RLN2: variants seen among roughly 807,000 people sequenced by gnomAD.
RLN2 encodes the protein relaxin 2.
Under a neutral mutation model 7.3 loss-of-function variants are expected in RLN2, and 10 were observed. The ratio of observed to expected loss-of-function variants is 1.36; its 90% CI spans 0.84 to 2.31. The LOEUF (loss-of-function observed/expected upper bound fraction) is 2.31, where lower values mean the gene tolerates loss of function less well. Ranked by LOEUF, RLN2 falls within the 30% of genes most tolerant of loss-of-function variation. RLN2 has a pLI of 0.00. For missense variants in RLN2, 298 were observed against 217.6 expected (o/e 1.37, Z -2.32); for synonymous variants, 103 against 82.3 (o/e 1.25, Z -1.36).
chr9:5,309,947 T>C, the RLN2 span, among the ~76,000 whole-genome samples: 1 of 151,868 alleles, frequency 6.6e-6, no homozygotes, highest in Non-Finnish European at 1.5e-5. Flanking sequence ...GCAGAGCCCC[T>C]GTAATTAAAG....
the RLN2 span, among the ~76,000 whole-genome samples, chr9:5,319,312 G>C: frequency 2.6e-5 from 4 of 151,944 alleles, no homozygotes; most frequent in Non-Finnish European, 5.9e-5. Context: ...AGGCAGAGGA[G>C]GCAGACATAT....
At chr9:5,335,349 C>A in the RLN2 span, 1 of 1,613,358 alleles carries the variant, frequency 6.2e-7, no homozygotes. Context: ...GAATGAGTAT[C>A]CAAGCCTAAG....
rs1586931732 is a variant in RLN2 at position 5,304,690 on chromosome 9, T to A, written c.-110A>T. 2 of 1,120,308 alleles carry A rather than the reference T, an allele frequency of 1.8e-6. No individual in the cohort carries two copies. The highest frequency in any genetic ancestry group is 4.8e-5 in the East Asian group (2 of 42,100). 69.4% of individuals were successfully genotyped at this position (1,120,308 alleles called of 1,614,324 possible). On this transcript the variant is annotated 5_prime_UTR_variant, in exon 1 of 2. Transcript: ENST00000381627. ...GCCTGTCCCGGGCTTTAGGCTGCTTTCCCTACCCGGCTCAAGCGGTCTTTT... is the reference window on the plus strand; with the variant it reads ...GCCTGTCCCGGGCTTTAGGCTGCTTACCCTACCCGGCTCAAGCGGTCTTTT...
At chr9:5,326,608 G>T in the RLN2 span, among the ~76,000 whole-genome samples, 1 of 152,040 alleles carries the variant, frequency 6.6e-6, no homozygotes, top group South Asian at 2.1e-4. Flanking sequence ...GTGGGGACAA[G>T]GGGGGAGGGC....
the RLN2 span, among the ~76,000 whole-genome samples, chr9:5,332,423 A>T: frequency 1.3e-5 from 2 of 151,986 alleles, no homozygotes; most frequent in African/African-American, 4.8e-5. Context: ...AAAAAATAGT[A>T]TTGTCCCCTG....
the RLN2 span, chr9:5,335,190 A>G: frequency 1.1e-6 from 1 of 951,774 alleles, no homozygotes; most frequent in Non-Finnish European, 1.6e-6. Context: ...CAGAAGCATC[A>G]GTGAAATGTC....
At position 5,304,437 on chromosome 9, in the gene RLN2, G is replaced by T; in HGVS notation, c.144C>A (p.Gly48=). Residue 48 remains glycine (G), a synonymous_variant, in exon 1 of 2, where the codon GGC becomes GGA. Coordinates refer to ENST00000381627, the MANE Select transcript of RLN2 (RefSeq NM_134441.3). ...ELVRAQIAIC[G]MSTWSKRSLS... ...GAGACCTTTTGCTCCAGGTGCTCAT[G>T]CCGCAAATGGCAATCTGCGCGCGAA... The T allele has an allele frequency of 1.9e-6, 3 of 1,612,778 alleles. No homozygotes were observed. Among genetic ancestry groups the T allele is most frequent in the Non-Finnish European group, 2.5e-6 (3 of 1,179,662 alleles).
the RLN2 span, chr9:5,335,664 T>C: frequency 2.1e-6 from 2 of 971,416 alleles, no homozygotes; most frequent in South Asian, 1.6e-5. Flanking sequence ...AGAAAAACTG[T>C]GAATGTTTGC....
At chr9:5,314,809 G>C in the RLN2 span, among the ~76,000 whole-genome samples, 19 of 151,948 alleles carry the variant, frequency 1.3e-4, no homozygotes, top group Admixed American at 1.2e-3. Context: ...ATACTTCTAT[G>C]TCCCACTATC....
chr9:5,332,421 G>C, the RLN2 span, among the ~76,000 whole-genome samples: 1 of 151,928 alleles, frequency 6.6e-6, no homozygotes, highest in Non-Finnish European at 1.5e-5. Flanking sequence ...AGAAAAAATA[G>C]TATTGTCCCC....
chr9:5,321,361 T>C, the RLN2 span, among the ~76,000 whole-genome samples: 1 of 152,054 alleles, frequency 6.6e-6, no homozygotes, highest in Non-Finnish European at 1.5e-5. Flanking sequence ...TTATTCACGT[T>C]TTTATTCAAA....
the RLN2 span, among the ~76,000 whole-genome samples, chr9:5,334,118 G>T: frequency 6.6e-6 from 1 of 152,000 alleles, no homozygotes; most frequent in Non-Finnish European, 1.5e-5. Flanking sequence ...ACAAGACAAG[G>T]ATGCCCTCTC....
At chr9:5,320,079 G>A in the RLN2 span, among the ~76,000 whole-genome samples, 445 of 150,494 alleles carry the variant, frequency 3.0e-3, 5 homozygotes, top group African/African-American at 9.6e-3. Flanking sequence ...TCTGCCTCCC[G>A]GATTCAAGCC....
At chr9:5,322,836 G>A in the RLN2 span, among the ~76,000 whole-genome samples, 2 of 151,916 alleles carry the variant, frequency 1.3e-5, no homozygotes, top group Admixed American at 1.3e-4. Flanking sequence ...ATATTGGGTA[G>A]CATTTTACCA....
intron 1 of RLN2, among the ~76,000 whole-genome samples, chr9:5,301,888 C>T (rs1816149356): frequency 1.3e-5 from 2 of 152,146 alleles, no homozygotes; most frequent in Admixed American, 1.3e-4. Flanking sequence ...CTCCCTCATT[C>T]ATGTTCTAAA....
In RLN2 at chr9:5,300,362, C is replaced by A; in HGVS notation, c.294G>T (p.Leu98=). The A allele has an allele frequency of 3.1e-6, 5 of 1,613,820 alleles. No individual in the cohort carries two copies. Among genetic ancestry groups the A allele is most frequent in the Non-Finnish European group, 4.2e-6 (5 of 1,179,894 alleles). ...SEFVANLPQE[L]KLTLSEMQPA... ...GCTGCATCTCAGACAGGGTTAACTT[C>A]AGCTCCTGTGGCAAATTAGCAACAA... The change falls in exon 2 of 2, where the codon CTG becomes CTT. Residue 98 remains leucine (L), a synonymous_variant. Transcript: ENST00000381627.
chr9:5,337,179 G>A, the RLN2 span, among the ~76,000 whole-genome samples: 1 of 151,722 alleles, frequency 6.6e-6, no homozygotes, highest in African/African-American at 2.4e-5. Context: ...TCATAAAAAC[G>A]TCTCTGTGCT....
the RLN2 span, among the ~76,000 whole-genome samples, chr9:5,333,442 G>A: frequency 6.6e-6 from 1 of 152,018 alleles, no homozygotes; most frequent in African/African-American, 2.4e-5. Flanking sequence ...GTACATTCCT[G>A]GACACATACA....
At chr9:5,314,566 A>C in the RLN2 span, among the ~76,000 whole-genome samples, 1 of 151,986 alleles carries the variant, frequency 6.6e-6, no homozygotes, top group Admixed American at 6.6e-5. Context: ...CATCTTAGCT[A>C]AACAGAGCAC....
Sources: gnomAD v4.1 joint callset for allele counts (sites outside exome capture counted in the v4.1 genomes callset) on GRCh38, gnomAD v4.1.1 for gene constraint, MANE v1.5 for transcripts, NCBI Gene and HGNC (gene_info 2026-07-23, HGNC 2026-07-21) for gene names.